DNAH10: variants seen among roughly 807,000 people sequenced by gnomAD.
DNAH10 encodes the protein axonemal beta dynein heavy chain 10.
In DNAH10, 348 loss-of-function variants were observed where a neutral mutation model predicts 506.6. That is an observed-to-expected ratio of 0.69 (90% CI 0.63 to 0.75). The LOEUF (loss-of-function observed/expected upper bound fraction) is 0.75, where lower values mean the gene tolerates loss of function less well. Ranked by LOEUF, DNAH10 falls within the 30% of genes least tolerant of loss-of-function variation. The pLI is 0.00. For missense variants in DNAH10, 5,179 were observed against 5,787.1 expected (o/e 0.89, Z 3.41); for synonymous variants, 2,059 against 2,198.6 (o/e 0.94, Z 1.78).
chr12:123,922,155 A>G (rs999993793), intron 65 of DNAH10, among the ~76,000 whole-genome samples: 1 of 152,034 alleles, frequency 6.6e-6, no homozygotes, highest in Admixed American at 6.5e-5. Context: ...CGGGCGGATC[A>G]TGAGGTCAAG....
At chr12:123,883,694 A>G (rs978546269) in intron 51 of DNAH10, among the ~76,000 whole-genome samples, 8 of 152,212 alleles carry the variant, frequency 5.3e-5, no homozygotes, top group African/African-American at 1.9e-4. Flanking sequence ...AACAGCGGCT[A>G]TCTTTAGGTG....
chr12:123,885,099 C>A (rs1566046027), intron 51 of DNAH10, among the ~76,000 whole-genome samples: 2 of 152,120 alleles, frequency 1.3e-5, no homozygotes, highest in Non-Finnish European at 2.9e-5. Context: ...GGATGTGACC[C>A]CATCGTTAAG....
At chr12:123,835,606 G>A in intron 28 of DNAH10, 78 bp downstream of exon 28, 1 of 1,520,890 alleles carries the variant, frequency 6.6e-7, no homozygotes, top group South Asian at 1.3e-5. Context: ...TTTGCACATT[G>A]TATTTTCTCC....
chr12:123,796,774 A>G lies in DNAH10; in HGVS notation c.2105A>G (p.His702Arg), dbSNP rs750473197. ...WERSLFFRIK[H>R]TILRFQEVQE... ...CGATCTCTGTTCTTTCGGATTAAGC[A>G]TACCATCCTCCGATTTCAAGAGGTA... Residue 702 changes from histidine to arginine, a missense_variant, in exon 13 of 79, where the codon CAT (histidine) becomes CGT (arginine). Physicochemically the swap from His to Arg is conservative, Grantham distance 29 (BLOSUM62 0). Around this residue, in one of 3 missense-constraint regions of DNAH10, gnomAD observed 4,844 missense variants for 5,430.5 expected, o/e 0.89. Coordinates refer to ENST00000673944, the MANE Select transcript of DNAH10 (RefSeq NM_001372106.1). The G allele has an allele frequency of 6.2e-7, 1 of 1,614,056 alleles. No individual in the cohort carries two copies. Among genetic ancestry groups the G allele is most frequent in the African/African-American group, 1.3e-5 (1 of 74,932 alleles).
intron 47 of DNAH10, among the ~76,000 whole-genome samples, 197 bp downstream of exon 47, chr12:123,875,688 G>T (rs1158308233): frequency 6.6e-6 from 1 of 152,182 alleles, no homozygotes; most frequent in Non-Finnish European, 1.5e-5. Flanking sequence ...AAATGTAATT[G>T]TAATGTATTT....
At chr12:123,792,523 G>A (rs1179850506) in intron 11 of DNAH10, among the ~76,000 whole-genome samples, 1 of 146,652 alleles carries the variant, frequency 6.8e-6, no homozygotes, top group Admixed American at 6.9e-5. Context: ...GTAATGGCGT[G>A]ATCTTGGCTG....
intron 65 of DNAH10, among the ~76,000 whole-genome samples, chr12:123,922,771 CTG>C (rs766489715): frequency 1.4e-4 from 22 of 152,192 alleles, no homozygotes; most frequent in Non-Finnish European, 2.2e-4. Context: ...CCTGGTGTCT[CTG>C]TGTGTCCAAA....
Position 123,916,216 on chromosome 12 carries a change from C to T in DNAH10, c.10723-241C>T, listed in dbSNP as rs748799778. ...CTTAAAGAGGAGGGGTTCTAGCTTACGGGAGAGGGGCTGAGGAATCCCCTT... is the reference window on the plus strand; with the variant it reads ...CTTAAAGAGGAGGGGTTCTAGCTTATGGGAGAGGGGCTGAGGAATCCCCTT... On this transcript the variant is annotated intron_variant, in intron 62 of 78. Coordinates refer to ENST00000673944, the MANE Select transcript of DNAH10 (RefSeq NM_001372106.1). This position sits in a 1 kb window ranked among gnomAD's most constrained non-coding sequence, Gnocchi z 4.6. Among the ~76,000 whole-genome samples the T allele has an allele frequency of 3.9e-5, 6 of 152,186 alleles. No individual in the cohort carries two copies. Among genetic ancestry groups the T allele is most frequent in the South Asian group, 2.1e-4 (1 of 4,824 alleles).
At chr12:123,929,012 G>T (rs1031010938) in intron 70 of DNAH10, 3 of 552,922 alleles carry the variant, frequency 5.4e-6, no homozygotes, top group Non-Finnish European at 9.5e-6. Flanking sequence ...GTGGAGGGAA[G>T]ACTTTACTTT....
Position 123,813,491 on chromosome 12 carries a change from C to G in DNAH10, c.3472C>G (p.Leu1158Val). 1 of 1,614,206 alleles carries G rather than the reference C, an allele frequency of 6.2e-7. No individual in the cohort carries two copies. The highest frequency in any genetic ancestry group is 8.5e-7 in the Non-Finnish European group (1 of 1,180,050). ...AGCTTATGAGGTTATGCGCCACCCT[C>G]TAATTAAGGATGAGCATTGCATCAG... is the stretch of plus-strand genomic sequence containing the variant. ...KIAYEVMRHP[L>V]IKDEHCIRLQ... Residue 1158 changes from leucine to valine, a missense_variant, in exon 20 of 79, where the codon CTA (leucine) becomes GTA (valine). By Grantham distance (32) the Leu-to-Val change is conservative. Transcript: ENST00000673944.
chr12:123,881,098 C>T (rs1952488263), intron 50 of DNAH10, among the ~76,000 whole-genome samples: 1 of 152,064 alleles, frequency 6.6e-6, no homozygotes, highest in African/African-American at 2.4e-5. Flanking sequence ...GTGAGTAGTG[C>T]CGCAATAAAC....
intron 5 of DNAH10, among the ~76,000 whole-genome samples, chr12:123,779,125 G>A (rs775642644): frequency 1.3e-5 from 2 of 152,018 alleles, no homozygotes; most frequent in Non-Finnish European, 2.9e-5. Flanking sequence ...GGATGGTCTC[G>A]ATCTCCTGAC....
In DNAH10 at chr12:123,916,578, A is replaced by G. The variant is rs748987969; in HGVS notation, c.10844A>G (p.Glu3615Gly). The change falls in exon 63 of 79, where the codon GAA becomes GGA. Residue 3615 changes from glutamate (E) to glycine (G), a missense_variant. This residue lies in a region of DNAH10 where 4,844 missense variants were observed against 5,430.5 expected (regional missense o/e 0.89). Coordinates refer to ENST00000673944, the MANE Select transcript of DNAH10 (RefSeq NM_001372106.1). This position sits in a 1 kb window ranked among gnomAD's most constrained non-coding sequence, Gnocchi z 4.6. ...YIDPVIDNVL[E>G]KNIKVSQGRQ... is the part of the protein sequence containing the mutation. ...GATCCTGTGATTGACAACGTCTTAGAAAAAAATATAAAAGTCTCCCAAGGA... is the reference window on the plus strand; with the variant it reads ...GATCCTGTGATTGACAACGTCTTAGGAAAAAATATAAAAGTCTCCCAAGGA... 1.1e-5 allele frequency: 17 copies of G among 1,613,736 alleles called. No individual in the cohort carries two copies. The African/African-American group carries it at 2.3e-4, about 22-fold the overall frequency.
intron 15 of DNAH10, 35 bp downstream of exon 15, chr12:123,800,423 T>G: frequency 6.3e-7 from 1 of 1,598,712 alleles, no homozygotes; most frequent in Non-Finnish European, 8.5e-7. Flanking sequence ...AGCAGTAAGC[T>G]TTTTGTTCTT....
chr12:123,787,875 A>G lies in DNAH10; in HGVS notation c.1493A>G (p.Tyr498Cys), dbSNP rs1452207029. The change falls in exon 10 of 79, where the codon TAT (tyrosine) becomes TGT (cysteine). Residue 498 changes from tyrosine (Y) to cysteine (C), a missense_variant. This residue lies in a region of DNAH10 where 4,844 missense variants were observed against 5,430.5 expected (regional missense o/e 0.89). Coordinates refer to ENST00000673944, the MANE Select transcript of DNAH10 (RefSeq NM_001372106.1). The surrounding 1 kb of genome is among the most constrained non-coding windows in gnomAD (Gnocchi z 4.6). ...RNTLRLWKKA[Y>C]FDTRAKIEAS... ...ACCCTCAGGCTGTGGAAAAAGGCCT[A>G]TTTTGACACCCGGGCCAAGATAGAG... 17 of 1,613,876 alleles carry G rather than the reference A, an allele frequency of 1.1e-5. No homozygotes were observed. Among genetic ancestry groups the G allele is most frequent in the East Asian group, 6.7e-5 (3 of 44,894 alleles).
In DNAH10 at chr12:123,799,326, G is replaced by A. The variant is rs773338977; in HGVS notation, c.2244G>A (p.Thr748=). Residue 748 remains threonine, a synonymous_variant, in exon 14 of 79, where the codon ACG becomes ACA. Coordinates refer to ENST00000673944, the MANE Select transcript of DNAH10 (RefSeq NM_001372106.1). ...AGTATGAGCAGTGGATGGAGGTGAC[G>A]GAGCAGGTGCTGCCAGCTCTCATGA... The part of the protein sequence containing the change: ...DRKYEQWMEV[T]EQVLPALMKK... The A allele has an allele frequency of 1.3e-5, 21 of 1,612,778 alleles. No homozygotes were observed. In the Middle Eastern group the frequency reaches 4.9e-4, roughly 38 times the overall value.
At chr12:123,871,700 G>T (rs1161874403) in intron 45 of DNAH10, 98 bp downstream of exon 45, 5 of 1,406,560 alleles carry the variant, frequency 3.6e-6, no homozygotes, top group African/African-American at 1.4e-5. Context: ...CACAGTTTCC[G>T]TGGGTCGAGA....
rs144283758 is a variant in DNAH10, at chr12:123,781,230, C to T, written c.772C>T (p.Arg258Trp). 2.9e-5 allele frequency: 46 copies of T among 1,613,860 alleles called. No individual in the cohort carries two copies. The East Asian group carries it at 4.2e-4, about 15-fold the overall frequency. ...AVEYHSIQLI[R>W]DEFLMNVQKF... ...AGAATATCACAGTATTCAATTAATA[C>T]GGGATGAATTTTTAATGAACGTGCA... The change falls in exon 6 of 79, where the codon CGG (arginine) becomes TGG (tryptophan). Residue 258 changes from arginine to tryptophan, a missense_variant. By Grantham distance (101) the Arg-to-Trp change is moderately radical. Transcript: ENST00000673944.
chr12:123,850,741 C>G lies in DNAH10; in HGVS notation c.6103-147C>G. On this transcript the variant is annotated intron_variant, in intron 34 of 78. Transcript: ENST00000673944. This position sits in a 1 kb window ranked among gnomAD's most constrained non-coding sequence, Gnocchi z 5.5. Reference sequence around the variant, plus strand: ...AGCGAGGGGGGCCCTGCATTGAACACCGGGGAGGGAAAAAGAGACAAGTGG... The same window carrying G: ...AGCGAGGGGGGCCCTGCATTGAACAGCGGGGAGGGAAAAAGAGACAAGTGG... 1.1e-6 allele frequency: 1 copy of G among 870,994 alleles called. No homozygotes were observed. Among genetic ancestry groups the G allele is most frequent in the Non-Finnish European group, 1.7e-6 (1 of 588,238 alleles). 54.0% of individuals were successfully genotyped at this position (870,994 alleles called of 1,614,324 possible). A position where few individuals can be genotyped will look rare whatever the true frequency, so the allele number is the denominator to read the frequency against.
Sources: gnomAD v4.1 joint callset for allele counts (sites outside exome capture counted in the v4.1 genomes callset) on GRCh38, gnomAD v4.1.1 for gene constraint, gnomAD v4.1.1 regional missense constraint, Gnocchi (gnomAD v3.1) non-coding constraint, MANE v1.5 for transcripts, NCBI Gene and HGNC (gene_info 2026-07-23, HGNC 2026-07-21) for gene names.